BEND3: variants seen among roughly 807,000 people sequenced by gnomAD.
BEND3 encodes the protein BEN domain containing 3.
Under a neutral mutation model 60.1 loss-of-function variants are expected in BEND3, and 13 were observed. That is an observed-to-expected ratio of 0.22 (90% CI 0.14 to 0.34). The LOEUF is 0.34. Ranked by LOEUF, BEND3 falls within the 10% of genes least tolerant of loss-of-function variation. The pLI, the probability that BEND3 is intolerant of heterozygous loss-of-function variation, is 1.00. For missense variants in BEND3, 896 were observed against 1,138.1 expected, an observed-to-expected ratio of 0.79 and a Z score of 3.06; for synonymous variants, 497 against 491.5, an observed-to-expected ratio of 1.01 and a Z score of -0.15.
At chr6:107,071,006 C>A in intron 3 of BEND3, 56 bp from the exon 4 acceptor site, 1 of 1,508,192 alleles carries the variant, frequency 6.6e-7, no homozygotes, top group Non-Finnish European at 8.9e-7. Context: ...GTTTATGACA[C>A]TAAACAAGGG....
chr6:107,080,373 A>AAAAAC (rs1562303891), intron 3 of BEND3, among the ~76,000 whole-genome samples: 6 of 140,440 alleles, frequency 4.3e-5, no homozygotes, highest in Admixed American at 6.9e-5. Context: ...AAAAAAAAAA[A>AAAAAC]AAAACAAAAA....
intron 3 of BEND3, among the ~76,000 whole-genome samples, chr6:107,086,870 C>A (rs1174402540): frequency 6.6e-6 from 1 of 151,350 alleles, no homozygotes; most frequent in East Asian, 1.9e-4. Flanking sequence ...ACTAAAACTA[C>A]AAAAATAAGC....
At chr6:107,109,597 G>A (rs530612913) in intron 1 of BEND3, among the ~76,000 whole-genome samples, 1 of 151,850 alleles carries the variant, frequency 6.6e-6, no homozygotes, top group East Asian at 1.9e-4. Flanking sequence ...AAAAATTGCC[G>A]GCACGGTCGC....
chr6:107,088,522 C>CA (rs1562308437), intron 3 of BEND3, among the ~76,000 whole-genome samples: 1 of 151,718 alleles, frequency 6.6e-6, no homozygotes, highest in East Asian at 1.9e-4. Context: ...CAAAACAAAA[C>CA]AAAAAAATCC....
chr6:107,102,098 A>C (rs1178947931), intron 1 of BEND3, among the ~76,000 whole-genome samples: 1 of 152,194 alleles, frequency 6.6e-6, no homozygotes, highest in Non-Finnish European at 1.5e-5. Context: ...CACTAAAAGG[A>C]TGGGCAAATA....
chr6:107,109,201 T>A (rs1582675472), intron 1 of BEND3, among the ~76,000 whole-genome samples: 1 of 151,360 alleles, frequency 6.6e-6, no homozygotes, highest in Non-Finnish European at 1.5e-5. Context: ...TGTAATCCCA[T>A]CACTTTGGGA....
chr6:107,097,439 C>A (rs1775608443), intron 3 of BEND3, among the ~76,000 whole-genome samples: 1 of 150,832 alleles, frequency 6.6e-6, no homozygotes, highest in Admixed American at 6.6e-5. Flanking sequence ...AAAAGCCATT[C>A]AGACCAGAAT....
Position 107,069,532 on chromosome 6 carries a change from G to T in BEND3, c.1659C>A (p.Cys553Ter). The stretch of plus-strand genomic sequence containing the variant: ...TGCGTAGCTGCTCCTTGCTGAGCAG[G>T]CAGTCGGCACCGGGCACCTCGAAGT... Reference protein sequence around the residue: ...QPDFEVPGADCLLSKEQLRSI... With the variant: ...QPDFEVPGAD Residue 553 changes from cysteine to a stop codon, truncating the protein, a stop_gained, in exon 4 of 4, where the codon TGC (cysteine) becomes TGA (stop). Transcript: ENST00000369042. LOFTEE classifies it high-confidence loss of function. The T allele has an allele frequency of 6.2e-7, 1 of 1,613,112 alleles. No homozygotes were observed.
At chr6:107,085,366 G>A (rs1301850450) in intron 3 of BEND3, among the ~76,000 whole-genome samples, 5 of 152,224 alleles carry the variant, frequency 3.3e-5, no homozygotes, top group Admixed American at 2.6e-4. Context: ...ACCCTACCAG[G>A]TTCTCACAGC....
rs370245100 is a variant in BEND3 at position 107,069,472 on chromosome 6, G to A, written c.1719C>T (p.Phe573=). 59 of 1,612,562 alleles carry A rather than the reference G, an allele frequency of 3.7e-5. No homozygotes were observed. The South Asian group carries it at 5.1e-4, about 14-fold the overall frequency. ...ACAGGTGCACCAGCAGGCGCGAGGCGAAGTTGCCGATGGACAGGCTGCTCT... is the reference window on the plus strand; with the variant it reads ...ACAGGTGCACCAGCAGGCGCGAGGCAAAGTTGCCGATGGACAGGCTGCTCT... ...IYESSLSIGN[F]ASRLLVHLFP... is the part of the protein sequence containing the mutation. Residue 573 remains phenylalanine, a synonymous_variant, in exon 4 of 4, where the codon TTC becomes TTT. Coordinates refer to ENST00000369042, the MANE Select transcript of BEND3 (RefSeq NM_001367314.1).
rs1335198531 is a variant in BEND3 at position 107,069,227 on chromosome 6, T to C, written c.1964A>G (p.Gln655Arg). ...RRDTEQRRSY[Q>R]QQRKVHVPGP... ...CGGCACGTGGACCTTGCGCTGCTGC[T>C]GGTAGGAGCGCCTTTGCTCCGTGTC... Residue 655 changes from glutamine (Q) to arginine (R), a missense_variant, in exon 4 of 4, where the codon CAG (glutamine) becomes CGG (arginine). Transcript: ENST00000369042. 7 of 1,611,906 alleles carry C rather than the reference T, an allele frequency of 4.3e-6. No individual in the cohort carries two copies. The highest frequency in any genetic ancestry group is 1.3e-5 in the African/African-American group (1 of 74,868).
In BEND3 at chr6:107,075,227, A is replaced by AAAATAAAT. The variant is rs79362873; in HGVS notation, c.241-4285_241-4278dup. ...GGCGACAGAGTGAGACTGTGTCTCA[A>AAAATAAAT]AAATAAATAAATAAATAAATAAAGA... is the stretch of plus-strand genomic sequence containing the variant. On this transcript the variant is annotated intron_variant, in intron 3 of 3. Coordinates refer to ENST00000369042, the MANE Select transcript of BEND3 (RefSeq NM_001367314.1). Among the ~76,000 whole-genome samples the AAAATAAAT allele has an allele frequency of 4.5e-4, 68 of 150,810 alleles. 1 individual carries two copies. The highest frequency in any genetic ancestry group is 1.6e-3 in the East Asian group (8 of 5,118).
intron 3 of BEND3, among the ~76,000 whole-genome samples, chr6:107,083,211 T>C (rs1562305319): frequency 6.6e-6 from 1 of 152,218 alleles, no homozygotes; most frequent in Non-Finnish European, 1.5e-5. Flanking sequence ...TATTACTCAC[T>C]GCACTAGAAA....
rs1190306128 is a variant in BEND3, at chr6:107,070,321, G to A, written c.870C>T (p.Ala290=). ...GCTTGCGCTTGGCCGCAAAGCCACA[G>A]GCACTGCAGCCCCGGGAGAAGTCCA... ...SDVDFSRGCS[A]CGFAAKRKLE... The change falls in exon 4 of 4, where the codon GCC becomes GCT. Residue 290 remains alanine (A), a synonymous_variant. Transcript: ENST00000369042. This position sits in a 1 kb window ranked among gnomAD's most constrained non-coding sequence, Gnocchi z 6.9. The A allele has an allele frequency of 1.9e-6, 3 of 1,613,162 alleles. No homozygotes were observed. Among genetic ancestry groups the A allele is most frequent in the African/African-American group, 2.7e-5 (2 of 75,060 alleles).
At chr6:107,089,617 CAG>C (rs1775432802) in intron 3 of BEND3, among the ~76,000 whole-genome samples, 2 of 138,072 alleles carry the variant, frequency 1.4e-5, no homozygotes, top group Non-Finnish European at 3.1e-5. Context: ...TTTTTCGAGA[CAG>C]AGTCTCGCTC....
At chr6:107,073,800 T>C (rs1209828869) in intron 3 of BEND3, among the ~76,000 whole-genome samples, 5 of 150,984 alleles carry the variant, frequency 3.3e-5, no homozygotes, top group Non-Finnish European at 7.4e-5. Flanking sequence ...GGTAGGAGGA[T>C]TGCTTCAGCC....
chr6:107,096,204 G>T (rs1472299912), intron 3 of BEND3, among the ~76,000 whole-genome samples: 1 of 152,118 alleles, frequency 6.6e-6, no homozygotes, highest in Admixed American at 6.6e-5. Flanking sequence ...ATAAAATAAA[G>T]TCTGTTAAAA....
intron 3 of BEND3, among the ~76,000 whole-genome samples, chr6:107,096,870 A>C (rs1274988073): frequency 2.0e-5 from 3 of 151,868 alleles, no homozygotes; most frequent in African/African-American, 7.3e-5. Context: ...CAAGACAGGC[A>C]GACCACTTGA....
chr6:107,113,710 T>C (rs1156295832), intron 1 of BEND3, among the ~76,000 whole-genome samples: 1 of 152,240 alleles, frequency 6.6e-6, no homozygotes, highest in Admixed American at 6.5e-5. Context: ...CGAGGAAAGC[T>C]TGACAGGCTC....
Sources: gnomAD v4.1 joint callset for allele counts (sites outside exome capture counted in the v4.1 genomes callset) on GRCh38, gnomAD v4.1.1 for gene constraint, Gnocchi (gnomAD v3.1) non-coding constraint, MANE v1.5 for transcripts, NCBI Gene and HGNC (gene_info 2026-07-23, HGNC 2026-07-21) for gene names.